Variants in BPIFB3 observed in about 807,000 individuals in gnomAD.
The protein encoded by BPIFB3 is BPI fold-containing family B member 3.
BPIFB3 carries 49 observed loss-of-function variants against 53.1 expected under a neutral mutation model. The ratio of observed to expected loss-of-function variants is 0.92; its 90% CI spans 0.73 to 1.17. The LOEUF (loss-of-function observed/expected upper bound fraction) is 1.17, where lower values mean the gene tolerates loss of function less well. BPIFB3 is among the 50% of genes most tolerant of loss of function. BPIFB3 has a pLI of 0.00. For missense variants in BPIFB3, 628 were observed against 592.5 expected (o/e 1.06, Z -0.62); for synonymous variants, 271 against 269.6 (o/e 1.01, Z -0.05).
chr20:33,073,660 C>A, downstream of BPIFB3: 1 of 1,599,270 alleles, frequency 6.3e-7, no homozygotes, highest in South Asian at 1.1e-5. Context: ...CACCTGTCTA[C>A]TCTGCCTCAA....
chr20:33,072,014 C>T, intron 12 of BPIFB3, 90 bp from the exon 14 acceptor site: 1 of 1,395,938 alleles, frequency 7.2e-7, no homozygotes, highest in Non-Finnish European at 1.0e-6. Flanking sequence ...AGCTGGGCCC[C>T]TGGGTTTCTC....
chr20:33,062,037 G>A (rs1022667573), intron 5 of BPIFB3, among the ~76,000 whole-genome samples: 14 of 139,930 alleles, frequency 1.0e-4, no homozygotes, highest in African/African-American at 3.8e-4. Context: ...TTCGGCCTGG[G>A]TCCCCTGCTC....
upstream of BPIFB3, among the ~76,000 whole-genome samples, chr20:33,054,929 C>T (rs1980129310): frequency 6.6e-6 from 1 of 152,168 alleles, no homozygotes; most frequent in South Asian, 2.1e-4. Flanking sequence ...TCAGCTAGAC[C>T]TTCTGAAACA....
intron 11 of BPIFB3, among the ~76,000 whole-genome samples, chr20:33,070,384 A>G (rs1325880209): frequency 1.3e-5 from 2 of 152,236 alleles, no homozygotes; most frequent in African/African-American, 4.8e-5. Context: ...GGCGTCCATC[A>G]AGATAATCAT....
Position 33,060,045 on chromosome 20 carries a change from T to C in BPIFB3, c.527+14T>C. ...CCTGTTCTCAGGGTGAGTCTGCAGG[T>C]TCCAGCCTGCAACCCTGACCCGCTC... On this transcript the variant is annotated intron_variant, in intron 4 of 14. Transcript: ENST00000375494. 6.2e-7 allele frequency: 1 copy of C among 1,612,976 alleles called. No homozygotes were observed. Among genetic ancestry groups the C allele is most frequent in the Non-Finnish European group, 8.5e-7 (1 of 1,179,470 alleles).
intron 13 of BPIFB3, 103 bp downstream of exon 14, chr20:33,072,270 G>A: frequency 8.1e-7 from 1 of 1,236,192 alleles, no homozygotes; most frequent in Non-Finnish European, 1.2e-6. Flanking sequence ...TGAGGCCAGA[G>A]AGAGAGGTCG....
chr20:33,064,644 G>T, intron 7 of BPIFB3, 22 bp from the exon 9 acceptor site: 1 of 1,613,110 alleles, frequency 6.2e-7, no homozygotes, highest in Non-Finnish European at 8.5e-7. Context: ...ACCCTCCTCG[G>T]CCCTGTTTCC....
In BPIFB3 at chr20:33,056,670, GT is replaced by G; in HGVS notation, c.258del (p.Phe86LeufsTer10). On this transcript the variant is annotated frameshift_variant, in exon 2 of 15. Transcript: ENST00000375494. LOFTEE classifies it high-confidence loss of function. ...AGGCGGCTTGCTGGGCCACGGAGGGGTTTTTGGCGTTGTCGAGGAGCTCTCT... is the reference window on the plus strand; with the variant it reads ...AGGCGGCTTGCTGGGCCACGGAGGGGTTTTGGCGTTGTCGAGGAGCTCTCT... 5 of 1,607,984 alleles carry G rather than the reference GT, an allele frequency of 3.1e-6. No individual in the cohort carries two copies. Among genetic ancestry groups the G allele is most frequent in the Non-Finnish European group, 4.2e-6 (5 of 1,177,022 alleles).
At chr20:33,071,434 G>A (rs945519250) in intron 12 of BPIFB3, 139 bp downstream of exon 13, 45 of 990,130 alleles carry the variant, frequency 4.5e-5, no homozygotes, top group Admixed American at 1.6e-4. Context: ...AGCCAGAGTG[G>A]GCAAATATCA....
intron 1 of BPIFB3, 72 bp from the exon 3 acceptor site, chr20:33,056,470 G>A: frequency 1.9e-6 from 3 of 1,552,996 alleles, no homozygotes; most frequent in Non-Finnish European, 1.8e-6. Context: ...CTCAGAGGAA[G>A]GAGGCAGCTG....
chr20:33,060,188 G>A (rs963055707), intron 4 of BPIFB3, among the ~76,000 whole-genome samples, 157 bp downstream of exon 5: 1 of 152,154 alleles, frequency 6.6e-6, no homozygotes, highest in Non-Finnish European at 1.5e-5. Context: ...TTCACAGACC[G>A]ACAGATTGAG....
intron 4 of BPIFB3, 137 bp from the exon 6 acceptor site, chr20:33,061,631 C>A: frequency 1.2e-6 from 1 of 803,214 alleles, no homozygotes. Context: ...TAACTCAGGT[C>A]TCCAAAGCCG....
intron 2 of BPIFB3, among the ~76,000 whole-genome samples, chr20:33,057,001 C>A (rs1386846887): frequency 6.6e-6 from 1 of 152,124 alleles, no homozygotes; most frequent in African/African-American, 2.4e-5. Flanking sequence ...TCACCTCCTC[C>A]AGGTGTCCGC....
At chr20:33,066,877 G>A (rs1278630246) in exon 9 of BPIFB3, 10 of 1,614,028 alleles carry the variant, frequency 6.2e-6, no homozygotes, top group Non-Finnish European at 6.8e-6. Flanking sequence ...TGCTCCCTGA[G>A]GTGAGTGACG....
exon 8 of BPIFB3, chr20:33,064,826 T>C (rs2053618649): frequency 1.2e-6 from 2 of 1,613,198 alleles, no homozygotes; most frequent in East Asian, 2.2e-5. Context: ...GCCCTCGACA[T>C]GGACATCACC....
intron 11 of BPIFB3, 33 bp downstream of exon 12, chr20:33,069,988 C>T (rs762746715): frequency 2.2e-5 from 35 of 1,609,252 alleles, no homozygotes; most frequent in East Asian, 2.0e-4. Context: ...GGATCTTGTT[C>T]TTGTCTTTAG....
At chr20:33,066,679 A>G in intron 8 of BPIFB3, 145 bp from the exon 10 acceptor site, 4 of 744,850 alleles carry the variant, frequency 5.4e-6, no homozygotes, top group Non-Finnish European at 9.3e-6. Flanking sequence ...GCTAGCTGAT[A>G]GAACAAACTT....
chr20:33,072,740 C>T (rs1332421833), exon 14 of BPIFB3: 6 of 1,613,562 alleles, frequency 3.7e-6, no homozygotes, highest in African/African-American at 2.7e-5. Flanking sequence ...TGGAATTCCC[C>T]TGCCTAAGGT....
chr20:33,059,346 G>A (rs371685732), intron 2 of BPIFB3, 32 bp from the exon 4 acceptor site: 5 of 1,550,396 alleles, frequency 3.2e-6, no homozygotes, highest in Non-Finnish European at 3.5e-6. Context: ...ATGTCTGGGA[G>A]TGAGCAACCC....
Sources: gnomAD v4.1 joint callset for allele counts (sites outside exome capture counted in the v4.1 genomes callset) on GRCh38, gnomAD v4.1.1 for gene constraint, MANE v1.5 for transcripts, NCBI Gene and HGNC (gene_info 2026-07-23, HGNC 2026-07-21) for gene names.